Variants in ATP9B observed in about 807,000 individuals in gnomAD.
The protein encoded by ATP9B is probable phospholipid-transporting ATPase IIB.
ATP9B carries 110 observed loss-of-function variants against 146.1 expected under a neutral mutation model. The observed-to-expected ratio is 0.75, with a 90% CI of 0.65 to 0.88. ATP9B has a LOEUF of 0.88. Ranked by LOEUF, ATP9B falls within the 40% of genes least tolerant of loss-of-function variation. The probability of loss-of-function intolerance (pLI) is 0.00; values close to 1 mark genes in which losing one functional copy is unlikely to be tolerated. For synonymous variants in ATP9B, 604 were observed against 569.7 expected (o/e 1.06, Z -0.86); for missense variants, 1,499 against 1,496.4 (o/e 1.00, Z -0.03).
intron 1 of ATP9B, among the ~76,000 whole-genome samples, chr18:79,083,706 A>G (rs1011398807): frequency 6.6e-6 from 1 of 152,014 alleles, no homozygotes; most frequent in Non-Finnish European, 1.5e-5. Flanking sequence ...GCGACACCCC[A>G]CTTTGCTTCA....
chr18:79,239,905 G>C lies in ATP9B; in HGVS notation c.1108-13476G>C, dbSNP rs923248434. 1.3e-5 allele frequency among the ~76,000 whole-genome samples: 2 copies of C among 152,180 alleles called. No individual in the cohort carries two copies. Among genetic ancestry groups the C allele is most frequent in the African/African-American group, 4.8e-5 (2 of 41,430 alleles). ...GGCTAAGCGTTCCCAAAGGATGAGC[G>C]GAGAGGCTTGCTCTGCCTGCGTCCC... On this transcript the variant is annotated intron_variant, in intron 11 of 29. Coordinates refer to ENST00000426216, the MANE Select transcript of ATP9B (RefSeq NM_198531.5). The surrounding 1 kb of genome is among the most constrained non-coding windows in gnomAD (Gnocchi z 5.1).
In ATP9B at chr18:79,359,383, T is replaced by C; in HGVS notation, c.2933T>C (p.Val978Ala). ...GYATIYTMFPVFSLVLDQDVK... is the reference protein window; with the variant it reads ...GYATIYTMFPAFSLVLDQDVK... The stretch of plus-strand genomic sequence containing the variant: ...GCCACCATATACACCATGTTCCCAG[T>C]GTTCTCCTTAGTGCTGGACCAGGAC... The change falls in exon 26 of 30, where the codon GTG (valine) becomes GCG (alanine). Residue 978 changes from valine (V) to alanine (A), a missense_variant. Coordinates refer to ENST00000426216, the MANE Select transcript of ATP9B (RefSeq NM_198531.5). 6.2e-7 allele frequency: 1 copy of C among 1,613,938 alleles called. No homozygotes were observed. The highest frequency in any genetic ancestry group is 2.2e-5 in the East Asian group (1 of 44,870).
At position 79,069,446 on chromosome 18, in the gene ATP9B, C is replaced by G. The variant is rs2071427256; in HGVS notation, c.36C>G (p.Ser12Arg). 6.6e-7 allele frequency: 1 copy of G among 1,516,618 alleles called. No individual in the cohort carries two copies. The highest frequency in any genetic ancestry group is 2.8e-5 in the East Asian group (1 of 35,750). 93.9% of individuals were successfully genotyped at this position (1,516,618 alleles called of 1,614,324 possible). The change falls in exon 1 of 30, where the codon AGC (serine) becomes AGG (arginine). Residue 12 changes from serine to arginine, a missense_variant. Transcript: ENST00000426216. The stretch of plus-strand genomic sequence containing the variant: ...AGATCCCGCTTTACCCGGTGCGTAG[C>G]GCAGCGGCGGCCGCAGCCAACCGCA... ...ADQIPLYPVR[S>R]AAAAAANRKR...
chr18:79,153,410 G>C (rs560166730), intron 6 of ATP9B, among the ~76,000 whole-genome samples: 2 of 152,106 alleles, frequency 1.3e-5, no homozygotes, highest in Non-Finnish European at 2.9e-5. Flanking sequence ...CCTCAAATCT[G>C]TGGGGTTTTG....
chr18:79,374,182 A>G (rs2148031155), intron 28 of ATP9B, 81 bp downstream of exon 28: 2 of 1,457,622 alleles, frequency 1.4e-6, no homozygotes, highest in East Asian at 2.4e-5. Context: ...TTCTGAATAC[A>G]TTGTGTTAAG....
chr18:79,313,355 T>C (rs2096663008), intron 15 of ATP9B, among the ~76,000 whole-genome samples: 1 of 152,198 alleles, frequency 6.6e-6, no homozygotes, highest in African/African-American at 2.4e-5. Context: ...CAAACACAGG[T>C]CATGAGCAAC....
rs750643865 is a variant in ATP9B, at chr18:79,213,988, A to G, written c.1057A>G (p.Thr353Ala). 11 of 1,606,846 alleles carry G rather than the reference A, an allele frequency of 6.8e-6. No homozygotes were observed. Among genetic ancestry groups the G allele is most frequent in the Middle Eastern group, 1.7e-4 (1 of 5,962 alleles). Residue 353 changes from threonine to alanine, a missense_variant, in exon 11 of 30, where the codon ACC becomes GCC. Physicochemically the swap from Thr to Ala is moderately conservative, Grantham distance 58. Transcript: ENST00000426216. ...SGTVIGVVIY[T>A]GKETRSVMNT... ...TACTGTAATAGGTGTTGTCATTTAT[A>G]CCGGAAAAGAGACTCGAAGTGTAAT...
chr18:79,138,584 C>G (rs527728255), intron 5 of ATP9B, among the ~76,000 whole-genome samples: 33 of 152,128 alleles, frequency 2.2e-4, no homozygotes, highest in Non-Finnish European at 1.5e-5. Flanking sequence ...TCTTAGAGAT[C>G]TAAGTTTTGT....
chr18:79,359,055 C>G (rs1042588379), intron 25 of ATP9B, among the ~76,000 whole-genome samples: 11 of 152,080 alleles, frequency 7.2e-5, no homozygotes, highest in Non-Finnish European at 2.9e-5. Context: ...CACATAAGAT[C>G]TCGGTGCTAT....
chr18:79,281,637 T>C (rs915706079), intron 13 of ATP9B, among the ~76,000 whole-genome samples: 2 of 152,186 alleles, frequency 1.3e-5, no homozygotes, highest in African/African-American at 4.8e-5. Flanking sequence ...AGCTGAGTAA[T>C]AGAAAAATTC....
At chr18:79,306,327 A>G (rs1387883684) in intron 14 of ATP9B, among the ~76,000 whole-genome samples, 2 of 152,218 alleles carry the variant, frequency 1.3e-5, no homozygotes, top group Non-Finnish European at 2.9e-5. Context: ...GGTGGTGCCG[A>G]TGAAATCTCT....
At chr18:79,146,608 G>A (rs538138999) in intron 6 of ATP9B, 20 of 262,776 alleles carry the variant, frequency 7.6e-5, no homozygotes, top group South Asian at 4.7e-4. Flanking sequence ...GCTGCGTGTC[G>A]GGGGAGCTGG....
chr18:79,127,586 A>G (rs2094308237), intron 5 of ATP9B, among the ~76,000 whole-genome samples: 1 of 152,192 alleles, frequency 6.6e-6, no homozygotes, highest in Non-Finnish European at 1.5e-5. Context: ...ATGATAGAGC[A>G]CATTTTGTGT....
chr18:79,304,803 C>A (rs1287003754), intron 14 of ATP9B, among the ~76,000 whole-genome samples: 5 of 152,168 alleles, frequency 3.3e-5, no homozygotes, highest in Non-Finnish European at 5.9e-5. Flanking sequence ...TTTGATCAGA[C>A]CTGGAGATCT....
chr18:79,290,655 A>G (rs1032131002), intron 13 of ATP9B, among the ~76,000 whole-genome samples: 11 of 152,178 alleles, frequency 7.2e-5, no homozygotes, highest in Admixed American at 2.6e-4. Context: ...CTCCCTAGTG[A>G]GATGAACCCG....
At chr18:79,131,030 A>C (rs1256728974) in intron 5 of ATP9B, among the ~76,000 whole-genome samples, 1 of 152,142 alleles carries the variant, frequency 6.6e-6, no homozygotes, top group East Asian at 1.9e-4. Context: ...GCATGGTGGC[A>C]TGCACCTGTA....
chr18:79,116,684 A>C (rs2094079025), intron 4 of ATP9B, among the ~76,000 whole-genome samples: 1 of 45,684 alleles, frequency 2.2e-5, no homozygotes, highest in Admixed American at 2.5e-4. Context: ...AAAAAACCAA[A>C]CACCGCATAT....
At chr18:79,238,570 G>A (rs944637819) in intron 11 of ATP9B, among the ~76,000 whole-genome samples, 4 of 152,100 alleles carry the variant, frequency 2.6e-5, no homozygotes, top group Non-Finnish European at 4.4e-5. Flanking sequence ...TGGTCATCGC[G>A]ATTCAGACCC....
At chr18:79,136,720 A>G (rs1256071953) in intron 5 of ATP9B, among the ~76,000 whole-genome samples, 4 of 152,016 alleles carry the variant, frequency 2.6e-5, no homozygotes, top group East Asian at 1.9e-4. Flanking sequence ...GGTCTATTCT[A>G]TTGTGTGTTA....
Sources: allele counts gnomAD v4.1 joint callset (sites outside exome capture counted in the v4.1 genomes callset), GRCh38; gene constraint gnomAD v4.1.1; non-coding constraint Gnocchi (gnomAD v3.1); transcripts MANE v1.5; gene names NCBI Gene and HGNC (gene_info 2026-07-23, HGNC 2026-07-21).